Variants in DNAH3 observed in about 807,000 individuals in gnomAD.
DNAH3 encodes the protein axonemal beta dynein heavy chain 3.
Under a neutral mutation model 432.5 loss-of-function variants are expected in DNAH3, and 332 were observed. That is an observed-to-expected ratio of 0.77 (90% CI 0.70 to 0.84). The LOEUF (loss-of-function observed/expected upper bound fraction) is 0.84, where lower values mean the gene tolerates loss of function less well. DNAH3 is among the 40% of genes least tolerant of loss of function. DNAH3 has a pLI of 0.00. For missense variants in DNAH3, 4,861 were observed against 5,114.0 expected (o/e 0.95, Z 1.51); for synonymous variants, 1,956 against 1,900.2 (o/e 1.03, Z -0.76).
chr16:21,014,762 C>A (rs1597142704), intron 41 of DNAH3, among the ~76,000 whole-genome samples: 1 of 151,980 alleles, frequency 6.6e-6, no homozygotes, highest in African/African-American at 2.4e-5. Context: ...GATTAATATA[C>A]AAAAGTCAAT....
exon 31 of DNAH3, chr16:21,049,646 T>C: frequency 1.2e-6 from 2 of 1,614,174 alleles, no homozygotes; most frequent in Non-Finnish European, 1.7e-6. Flanking sequence ...CCCATAGCTT[T>C]GTAATCCAAA....
In DNAH3 at chr16:21,054,361, C is replaced by G. The variant is rs777509103; in HGVS notation, c.4039+59G>C. ...TTCCGTCCAGGAGAACTGAGATGAG[C>G]AAGACTAGACTGCTTCTCCTGGATA... On this transcript the variant is annotated intron_variant, in intron 28 of 61. Coordinates refer to ENST00000261383, the Ensembl canonical transcript of DNAH3. 7.8e-4 allele frequency: 1,024 copies of G among 1,310,348 alleles called. 7 individuals carry two copies. The highest frequency in any genetic ancestry group is 2.8e-3 in the Middle Eastern group (15 of 5,302). 81.2% of individuals were successfully genotyped at this position (1,310,348 alleles called of 1,614,324 possible). A position where few individuals can be genotyped will look rare whatever the true frequency, so the allele number is the denominator to read the frequency against.
At chr16:21,158,904 C>A (rs1238532299) in intron 1 of DNAH3, among the ~76,000 whole-genome samples, 2 of 151,972 alleles carry the variant, frequency 1.3e-5, no homozygotes, top group Non-Finnish European at 2.9e-5. Context: ...GTGTAAGGGG[C>A]GTCTCCTGCT....
chr16:21,003,617 G>GA (rs1214412402), intron 41 of DNAH3, among the ~76,000 whole-genome samples: 5 of 151,236 alleles, frequency 3.3e-5, no homozygotes, highest in Admixed American at 6.6e-5. Flanking sequence ...TACTAAAAAT[G>GA]AAAAAAAATT....
intron 27 of DNAH3, among the ~76,000 whole-genome samples, chr16:21,056,112 G>T (rs999829444): frequency 3.3e-5 from 5 of 151,604 alleles, no homozygotes; most frequent in African/African-American, 1.2e-4. Context: ...TGGTGTTGGG[G>T]CTTCTCCCCA....
intron 3 of DNAH3, among the ~76,000 whole-genome samples, chr16:21,143,747 G>T (rs2092749398): frequency 6.6e-6 from 1 of 152,186 alleles, no homozygotes; most frequent in Non-Finnish European, 1.5e-5. Flanking sequence ...ACACTGGTAA[G>T]AACCACTTGG....
chr16:21,073,972 G>GCCCCAAAACACAGTTTT (rs1258116230), intron 21 of DNAH3, among the ~76,000 whole-genome samples: 1 of 152,058 alleles, frequency 6.6e-6, no homozygotes, highest in African/African-American at 2.4e-5. Flanking sequence ...TCAAACCTAA[G>GCCCCAAAACACAGTTTT]CCCCAAAACA....
At chr16:21,126,033 C>T (rs2092439570) in intron 8 of DNAH3, among the ~76,000 whole-genome samples, 1 of 152,046 alleles carries the variant, frequency 6.6e-6, no homozygotes, top group Non-Finnish European at 1.5e-5. Context: ...CATGGTGACA[C>T]ACACCTGTAG....
intron 12 of DNAH3, among the ~76,000 whole-genome samples, chr16:21,115,721 T>TAAAATAAAATAAAATAAAATA (rs61092151): frequency 8.5e-5 from 12 of 140,942 alleles, no homozygotes; most frequent in African/African-American, 3.2e-4. Flanking sequence ...AATAATAAAA[T>TAAAATAAAATAAAATAAAATA]AAATAAAATA....
intron 20 of DNAH3, among the ~76,000 whole-genome samples, chr16:21,078,326 G>A (rs1001442016): frequency 1.3e-5 from 2 of 150,006 alleles, no homozygotes; most frequent in African/African-American, 4.9e-5. Flanking sequence ...GTTCATATGT[G>A]TTCAATCAAA....
intron 41 of DNAH3, among the ~76,000 whole-genome samples, chr16:21,018,755 C>T (rs1192028767): frequency 6.6e-6 from 1 of 151,842 alleles, no homozygotes; most frequent in Non-Finnish European, 1.5e-5. Context: ...ATTAGCCAGG[C>T]GTGGTGGTGC....
intron 57 of DNAH3, among the ~76,000 whole-genome samples, chr16:20,945,453 T>C (rs546402563): frequency 1.3e-5 from 2 of 152,120 alleles, no homozygotes; most frequent in African/African-American, 4.8e-5. Flanking sequence ...CAGCAACCCA[T>C]GTCATTGCTC....
chr16:21,061,161 T>C (rs1346032424), intron 25 of DNAH3, among the ~76,000 whole-genome samples: 2 of 149,650 alleles, frequency 1.3e-5, no homozygotes, highest in African/African-American at 4.9e-5. Context: ...AATATTCCAA[T>C]ATTCTTTATC....
intron 19 of DNAH3, among the ~76,000 whole-genome samples, chr16:21,083,022 C>CTTTT (rs112090022): frequency 7.1e-6 from 1 of 140,192 alleles, no homozygotes; most frequent in Non-Finnish European, 1.6e-5. Flanking sequence ...TTTTTCCATA[C>CTTTT]TTTTTTTTTT....
intron 31 of DNAH3, 66 bp from the exon 32 acceptor site, chr16:21,042,269 G>A: frequency 6.8e-7 from 1 of 1,481,350 alleles, no homozygotes; most frequent in South Asian, 1.4e-5. Context: ...TACTCTACCG[G>A]AGTCCTCCCA....
At chr16:21,023,729 G>T (rs1184517455) in intron 39 of DNAH3, among the ~76,000 whole-genome samples, 1 of 151,968 alleles carries the variant, frequency 6.6e-6, no homozygotes, top group Non-Finnish European at 1.5e-5. Context: ...CTTTGTGCCA[G>T]GGACATTGGG....
At chr16:20,963,503 G>T in exon 53 of DNAH3, 1 of 1,614,092 alleles carries the variant, frequency 6.2e-7, no homozygotes, top group South Asian at 1.1e-5. Flanking sequence ...CAAGACCCAG[G>T]GAGTTGCTCC....
chr16:21,067,238 A>G, intron 24 of DNAH3, 45 bp downstream of exon 24: 1 of 1,608,488 alleles, frequency 6.2e-7, no homozygotes, highest in Non-Finnish European at 8.5e-7. Flanking sequence ...CTACCTACAT[A>G]TGGGGCAAGA....
At chr16:20,933,558 G>C in intron 61 of DNAH3, 51 bp from the exon 62 acceptor site, 2 of 1,461,454 alleles carry the variant, frequency 1.4e-6, no homozygotes, top group Non-Finnish European at 1.8e-6. Flanking sequence ...TTCCTACATG[G>C]GCAGCTTTAA....
Sources: gnomAD v4.1 joint callset for allele counts (sites outside exome capture counted in the v4.1 genomes callset) on GRCh38, gnomAD v4.1.1 for gene constraint, MANE v1.5 for transcripts, NCBI Gene and HGNC (gene_info 2026-07-23, HGNC 2026-07-21) for gene names.